The following LCORL variants were observed in gnomAD, a reference collection of about 807,000 sequenced individuals.
LCORL encodes the protein ligand-dependent nuclear receptor corepressor-like protein.
LCORL carries 41 observed loss-of-function variants against 141.8 expected under a neutral mutation model. That is an observed-to-expected ratio of 0.29 (90% CI 0.23 to 0.38). The LOEUF is 0.38. Among genes scored for constraint, LCORL ranks in the 10% least tolerant of loss-of-function variants. The pLI is 1.00. For synonymous variants in LCORL, 618 were observed against 694.1 expected, an observed-to-expected ratio of 0.89 and a Z score of 1.72; for missense variants, 1,759 against 2,035.0, an observed-to-expected ratio of 0.86 and a Z score of 2.61.
exon 7 of LCORL, chr4:17,876,627 T>C (rs1485392634): frequency 5.7e-6 from 7 of 1,230,756 alleles, no homozygotes; most frequent in South Asian, 4.1e-5. Flanking sequence ...AACATAATTA[T>C]TTGTTACATA....
chr4:17,907,205 G>GT (rs1248899132), intron 5 of LCORL, among the ~76,000 whole-genome samples: 2 of 152,192 alleles, frequency 1.3e-5, no homozygotes, highest in Admixed American at 1.3e-4. Flanking sequence ...AGCCATACAA[G>GT]TATTTATAGA....
chr4:17,897,204 T>C (rs1016834243), intron 5 of LCORL, among the ~76,000 whole-genome samples: 2 of 135,338 alleles, frequency 1.5e-5, no homozygotes, highest in South Asian at 2.6e-4. Flanking sequence ...CTCTTTGATA[T>C]ACTGATTTCT....
At chr4:17,953,934 C>T (rs1007096717) in intron 4 of LCORL, among the ~76,000 whole-genome samples, 20 of 152,100 alleles carry the variant, frequency 1.3e-4, no homozygotes, top group South Asian at 2.1e-4. Context: ...GAGGCCGAAG[C>T]GGGCAGATCA....
intron 5 of LCORL, among the ~76,000 whole-genome samples, chr4:17,886,969 A>C (rs1231841168): frequency 1.3e-5 from 2 of 152,076 alleles, no homozygotes; most frequent in East Asian, 1.9e-4. Context: ...TAGCTAAAAA[A>C]CTGAAAGTTT....
intron 1 of LCORL, among the ~76,000 whole-genome samples, chr4:18,007,373 T>G (rs1013096932): frequency 9.8e-5 from 15 of 152,340 alleles, no homozygotes; most frequent in African/African-American, 3.6e-4. Context: ...TGTTTCTTCA[T>G]GATTCAATTA....
intron 1 of LCORL, among the ~76,000 whole-genome samples, chr4:17,982,629 C>G (rs976938348): frequency 6.6e-6 from 1 of 151,918 alleles, no homozygotes; most frequent in East Asian, 1.9e-4. Context: ...AATTTTTTTT[C>G]TTGTAAATTT....
At chr4:17,883,134 T>C in intron 6 of LCORL, 1 of 980,308 alleles carries the variant, frequency 1.0e-6, no homozygotes. Context: ...GGTTTTCTTT[T>C]CTATTCCTGG....
At chr4:17,891,406 A>C (rs1251106805) in intron 5 of LCORL, among the ~76,000 whole-genome samples, 1 of 152,152 alleles carries the variant, frequency 6.6e-6, no homozygotes, top group Non-Finnish European at 1.5e-5. Flanking sequence ...AAAAATGTTT[A>C]CACTCTTCTA....
At chr4:17,887,294 C>T (rs575513564) in intron 5 of LCORL, among the ~76,000 whole-genome samples, 1 of 152,076 alleles carries the variant, frequency 6.6e-6, no homozygotes, top group South Asian at 2.1e-4. Context: ...TGAGATAATT[C>T]ATACAACACC....
intron 7 of LCORL, 63 bp downstream of exon 7, chr4:17,873,325 C>T: frequency 8.8e-6 from 9 of 1,020,586 alleles, no homozygotes; most frequent in Non-Finnish European, 1.1e-5. Context: ...TCCTTTTCTA[C>T]CTGTTATACT....
At chr4:17,949,604 CT>C (rs1343703328) in intron 4 of LCORL, among the ~76,000 whole-genome samples, 1 of 152,122 alleles carries the variant, frequency 6.6e-6, no homozygotes, top group Non-Finnish European at 1.5e-5. Flanking sequence ...GGGAATTCTG[CT>C]CAACTGTTAT....
At chr4:18,009,639 T>A (rs897573443) in intron 1 of LCORL, among the ~76,000 whole-genome samples, 6 of 152,068 alleles carry the variant, frequency 3.9e-5, no homozygotes, top group Non-Finnish European at 8.8e-5. Flanking sequence ...CCCTACCCCC[T>A]GGTATCTACT....
chr4:18,011,958 A>T (rs1723877189), intron 1 of LCORL, among the ~76,000 whole-genome samples: 1 of 152,216 alleles, frequency 6.6e-6, no homozygotes. Flanking sequence ...AATATTTAAC[A>T]TCCCTGATCA....
intron 1 of LCORL, among the ~76,000 whole-genome samples, chr4:17,974,712 A>G (rs1716602576): frequency 6.6e-6 from 1 of 152,146 alleles, no homozygotes; most frequent in African/African-American, 2.4e-5. Context: ...TATAATATTT[A>G]TTAATTATTA....
intron 1 of LCORL, among the ~76,000 whole-genome samples, chr4:18,010,641 G>T (rs1429408700): frequency 7.3e-6 from 1 of 137,654 alleles, no homozygotes; most frequent in Non-Finnish European, 1.5e-5. Flanking sequence ...GTACAGACAG[G>T]GTTTCTGTAC....
At chr4:17,898,311 A>T (rs1446706522) in intron 5 of LCORL, among the ~76,000 whole-genome samples, 2 of 152,190 alleles carry the variant, frequency 1.3e-5, no homozygotes, top group Non-Finnish European at 2.9e-5. Flanking sequence ...TATGTTACTA[A>T]CATTATGTTA....
chr4:17,929,046 A>G (rs911835734), intron 4 of LCORL, among the ~76,000 whole-genome samples: 13 of 152,200 alleles, frequency 8.5e-5, no homozygotes, highest in Non-Finnish European at 7.4e-5. Flanking sequence ...AATCACATTT[A>G]CTACAGCATC....
intron 5 of LCORL, among the ~76,000 whole-genome samples, chr4:17,907,152 C>T (rs1270282510): frequency 1.3e-5 from 2 of 152,086 alleles, no homozygotes; most frequent in Admixed American, 6.5e-5. Context: ...TAACTCAACT[C>T]ACTGGACCAT....
rs535113445 is a variant in LCORL at position 17,962,434 on chromosome 4, G to A, written c.301-402C>T. Among the ~76,000 whole-genome samples, 5 of 152,092 alleles carry A rather than the reference G, an allele frequency of 3.3e-5. No individual in the cohort carries two copies. The South Asian group carries it at 1.0e-3, about 32-fold the overall frequency. The stretch of plus-strand genomic sequence containing the variant: ...ATTCTTCTCAGCCCTTCTCACAACA[G>A]TAGAAAAGAAATCAGAATTTCCCAC... On this transcript the variant is annotated intron_variant, in intron 3 of 7. Coordinates refer to ENST00000635767, the Ensembl canonical transcript of LCORL.
Sources: gnomAD v4.1 joint callset for allele counts (sites outside exome capture counted in the v4.1 genomes callset) on GRCh38, gnomAD v4.1.1 for gene constraint, MANE v1.5 for transcripts, NCBI Gene and HGNC (gene_info 2026-07-23, HGNC 2026-07-21) for gene names.